The following MARCHF1 variants were observed in gnomAD, a reference collection of about 807,000 sequenced individuals.
MARCHF1 encodes membrane associated ring-CH-type finger 1.
MARCHF1 carries 40 observed loss-of-function variants against 54.2 expected under a neutral mutation model. That is an observed-to-expected ratio of 0.74 (90% CI 0.57 to 0.96). The LOEUF is 0.96. Ranked by LOEUF, MARCHF1 falls within the 40% of genes least tolerant of loss-of-function variation. The pLI is 0.00. For synonymous variants in MARCHF1, 236 were observed against 236.3 expected (o/e 1.00, Z 0.01); for missense variants, 586 against 656.5 (o/e 0.89, Z 1.17).
At chr4:163,656,178 A>G (rs1285414816) in intron 5 of MARCHF1, among the ~76,000 whole-genome samples, 1 of 151,848 alleles carries the variant, frequency 6.6e-6, no homozygotes, top group Non-Finnish European at 1.5e-5. Flanking sequence ...TGAAGAAGAA[A>G]AGAAATTAAA....
At chr4:164,138,499 T>C (rs1756452050) in intron 1 of MARCHF1, among the ~76,000 whole-genome samples, 1 of 152,156 alleles carries the variant, frequency 6.6e-6, no homozygotes, top group Non-Finnish European at 1.5e-5. Context: ...CTTTGAGATA[T>C]AGGTGTTCTT....
chr4:163,982,062 T>C (rs1317767155), intron 3 of MARCHF1, among the ~76,000 whole-genome samples: 2 of 152,226 alleles, frequency 1.3e-5, no homozygotes, highest in Admixed American at 6.5e-5. Flanking sequence ...ACAACATCTG[T>C]TTTAAACAAG....
At chr4:163,779,325 A>G (rs866096768) in intron 4 of MARCHF1, among the ~76,000 whole-genome samples, 5 of 152,316 alleles carry the variant, frequency 3.3e-5, no homozygotes, top group Middle Eastern at 3.4e-3. Flanking sequence ...AAGATAAGTC[A>G]AGATGGAGAA....
intron 8 of MARCHF1, among the ~76,000 whole-genome samples, chr4:163,563,599 T>C (rs1289917214): frequency 6.6e-6 from 1 of 152,216 alleles, no homozygotes; most frequent in Non-Finnish European, 1.5e-5. Context: ...ATCACATTGA[T>C]TTGAAACTAA....
chr4:163,646,190 A>G (rs1249519610), intron 5 of MARCHF1, among the ~76,000 whole-genome samples: 3 of 152,102 alleles, frequency 2.0e-5, no homozygotes, highest in Non-Finnish European at 4.4e-5. Context: ...TCTCAACAGA[A>G]ACTTGCAATC....
chr4:164,350,040 G>A (rs942727480), intron 1 of MARCHF1, among the ~76,000 whole-genome samples: 1 of 152,128 alleles, frequency 6.6e-6, no homozygotes, highest in Non-Finnish European at 1.5e-5. Flanking sequence ...ATAGTTCTGA[G>A]ATTAAATTGC....
intron 2 of MARCHF1, among the ~76,000 whole-genome samples, chr4:164,017,004 T>A (rs1753557527): frequency 6.6e-6 from 1 of 152,024 alleles, no homozygotes; most frequent in African/African-American, 2.4e-5. Flanking sequence ...TCCAAAATAT[T>A]TCAAATAATT....
intron 7 of MARCHF1, among the ~76,000 whole-genome samples, chr4:163,597,995 A>T (rs1023300176): frequency 6.6e-6 from 1 of 152,308 alleles, no homozygotes. Context: ...CCTCCTTCAG[A>T]TACACCAATA....
At chr4:163,704,531 C>A (rs1000113389) in intron 4 of MARCHF1, among the ~76,000 whole-genome samples, 2 of 151,340 alleles carry the variant, frequency 1.3e-5, no homozygotes, top group Non-Finnish European at 3.0e-5. Context: ...CAAGTAGAGA[C>A]TTTACAGGGT....
At chr4:163,903,823 C>G (rs188716921) in intron 3 of MARCHF1, among the ~76,000 whole-genome samples, 1 of 151,936 alleles carries the variant, frequency 6.6e-6, no homozygotes, top group Non-Finnish European at 1.5e-5. Context: ...AGATTGTTGC[C>G]CAGGCTGGTC....
In MARCHF1 at chr4:164,253,678, T is replaced by C. The variant is rs191858674; in HGVS notation, c.-323+130192A>G. Among the ~76,000 whole-genome samples, 20 of 152,238 alleles carry C rather than the reference T, an allele frequency of 1.3e-4. No homozygotes were observed. In the East Asian group the frequency reaches 3.5e-3, roughly 26 times the overall value. On this transcript the variant is annotated intron_variant, in intron 1 of 9. Coordinates refer to ENST00000514618, the MANE Select transcript of MARCHF1 (RefSeq NM_001394959.1). ...AAAATGTTAAGCATATACGTGGACA[T>C]TGATTCTAGAGAAATGAAAACTTAC...
chr4:163,828,482 T>C (rs569838089), intron 4 of MARCHF1, among the ~76,000 whole-genome samples: 1 of 152,170 alleles, frequency 6.6e-6, no homozygotes, highest in East Asian at 1.9e-4. Context: ...TTCAAAGGAC[T>C]AATGCTAATA....
intron 1 of MARCHF1, among the ~76,000 whole-genome samples, chr4:164,332,723 A>C (rs937949802): frequency 6.6e-6 from 1 of 152,194 alleles, no homozygotes; most frequent in Non-Finnish European, 1.5e-5. Flanking sequence ...ATCATGATTA[A>C]CCGGGCATCT....
chr4:164,002,580 G>A (rs1346179579), intron 2 of MARCHF1, among the ~76,000 whole-genome samples: 4 of 151,380 alleles, frequency 2.6e-5, no homozygotes, highest in Non-Finnish European at 5.9e-5. Context: ...AAATCAAGAC[G>A]TTAAACACAC....
In MARCHF1 at chr4:164,258,467, T is replaced by C. The variant is rs1560977304; in HGVS notation, c.-323+125403A>G. Among the ~76,000 whole-genome samples the C allele has an allele frequency of 2.0e-5, 3 of 151,822 alleles. No individual in the cohort carries two copies. In the South Asian group the frequency reaches 6.2e-4, roughly 32 times the overall value. ...TCTGTGTCCTAGTTTCTGTTTCACATTTAATTATGGGTGTGGCACCCTCTT... is the reference window on the plus strand; with the variant it reads ...TCTGTGTCCTAGTTTCTGTTTCACACTTAATTATGGGTGTGGCACCCTCTT... On this transcript the variant is annotated intron_variant, in intron 1 of 9. Coordinates refer to ENST00000514618, the MANE Select transcript of MARCHF1 (RefSeq NM_001394959.1).
intron 1 of MARCHF1, among the ~76,000 whole-genome samples, chr4:164,206,018 T>C (rs1438315373): frequency 1.3e-5 from 2 of 152,228 alleles, no homozygotes; most frequent in African/African-American, 4.8e-5. Flanking sequence ...AAATTGTAAA[T>C]GACCCACTCT....
At chr4:163,580,479 A>G (rs1397923506) in intron 8 of MARCHF1, among the ~76,000 whole-genome samples, 1 of 152,220 alleles carries the variant, frequency 6.6e-6, no homozygotes, top group East Asian at 1.9e-4. Context: ...CTATTGGAGA[A>G]ACAGAAATGA....
chr4:164,247,566 CA>C (rs1732988970), intron 1 of MARCHF1, among the ~76,000 whole-genome samples: 1 of 141,636 alleles, frequency 7.1e-6, no homozygotes, highest in Non-Finnish European at 1.5e-5. Flanking sequence ...ATGTAACTAA[CA>C]TGCACAATGT....
At chr4:163,815,387 A>G (rs1748505397) in intron 4 of MARCHF1, among the ~76,000 whole-genome samples, 1 of 152,230 alleles carries the variant, frequency 6.6e-6, no homozygotes. Flanking sequence ...GAAAGGCAGA[A>G]ATGTTGGCTG....
Sources: allele counts gnomAD v4.1 joint callset (sites outside exome capture counted in the v4.1 genomes callset), GRCh38; gene constraint gnomAD v4.1.1; transcripts MANE v1.5; gene names NCBI Gene and HGNC (gene_info 2026-07-23, HGNC 2026-07-21).